The following TLK1 variants were observed in gnomAD, a reference collection of about 807,000 sequenced individuals.
The protein encoded by TLK1 is tousled like kinase 1, also known as serine/threonine-protein kinase tousled-like 1.
A neutral mutation model predicts 105.3 loss-of-function variants in TLK1; 24 were observed. The ratio of observed to expected loss-of-function variants is 0.23; its 90% CI spans 0.17 to 0.32. The LOEUF (loss-of-function observed/expected upper bound fraction) is 0.32, where lower values mean the gene tolerates loss of function less well. Ranked by LOEUF, TLK1 falls within the 10% of genes least tolerant of loss-of-function variation. The pLI is 1.00. For synonymous variants in TLK1, 321 were observed against 310.4 expected (o/e 1.03, Z -0.36); for missense variants, 558 against 910.5 (o/e 0.61, Z 4.98).
intron 1 of TLK1, among the ~76,000 whole-genome samples, chr2:171,180,187 G>A (rs1480229236): frequency 1.3e-5 from 2 of 151,602 alleles, no homozygotes; most frequent in Non-Finnish European, 2.9e-5. Flanking sequence ...CTCTGGCCTG[G>A]ATGACAGAGC....
chr2:171,098,545 C>T (rs924165896), intron 2 of TLK1, among the ~76,000 whole-genome samples: 7 of 152,120 alleles, frequency 4.6e-5, no homozygotes, highest in Non-Finnish European at 1.0e-4. Context: ...GTAAATTCCA[C>T]CAAATATGTA....
chr2:171,041,958 TG>T (rs766247030), intron 11 of TLK1, among the ~76,000 whole-genome samples: 1 of 152,210 alleles, frequency 6.6e-6, no homozygotes, highest in Non-Finnish European at 1.5e-5. Flanking sequence ...TTATTCAAAC[TG>T]CAGTATATAT....
intron 1 of TLK1, among the ~76,000 whole-genome samples, chr2:171,153,028 C>CA (rs201478184): frequency 6.6e-6 from 1 of 151,018 alleles, no homozygotes; most frequent in South Asian, 2.1e-4. Context: ...AAAACTCATG[C>CA]AAAAAAAAGT....
chr2:171,022,664 C>T (rs1000721408), intron 12 of TLK1, among the ~76,000 whole-genome samples: 3 of 152,122 alleles, frequency 2.0e-5, no homozygotes, highest in Non-Finnish European at 4.4e-5. Context: ...TAAAGATGAA[C>T]AACAGGTTTA....
rs142436556 is a variant in TLK1 at position 171,142,333 on chromosome 2, C to T, written c.139+17957G>A. On this transcript the variant is annotated intron_variant, in intron 1 of 20. Coordinates refer to ENST00000431350, the MANE Select transcript of TLK1 (RefSeq NM_012290.5). The stretch of plus-strand genomic sequence containing the variant: ...AAGTATATTAAATGTAAATGTACTA[C>T]ATGTTCCAATTAAAGAACAAACATG... 3.4e-3 allele frequency among the ~76,000 whole-genome samples: 517 copies of T among 152,256 alleles called. 6 individuals carry two copies. The highest frequency in any genetic ancestry group is 0.012 in the African/African-American group (489 of 41,536).
At chr2:171,227,617 T>G (rs1010970813) in intron 1 of TLK1, among the ~76,000 whole-genome samples, 1 of 138,236 alleles carries the variant, frequency 7.2e-6, no homozygotes, top group Non-Finnish European at 1.6e-5. Flanking sequence ...CAGTTGGATT[T>G]CTTTCACTTG....
intron 18 of TLK1, among the ~76,000 whole-genome samples, chr2:171,005,065 T>C (rs1344511424): frequency 6.6e-6 from 1 of 152,248 alleles, no homozygotes; most frequent in Non-Finnish European, 1.5e-5. Context: ...GTGAATACTG[T>C]TCTGGAAAAC....
At chr2:171,128,317 G>A (rs1317052861) in intron 1 of TLK1, among the ~76,000 whole-genome samples, 3 of 152,108 alleles carry the variant, frequency 2.0e-5, no homozygotes, top group Middle Eastern at 3.4e-3. Flanking sequence ...AAAAACATAC[G>A]TAGGTCGATA....
chr2:171,014,915 A>G lies in TLK1; in HGVS notation c.1270T>C (p.Leu424=), dbSNP rs1371958819. The G allele has an allele frequency of 6.2e-7, 1 of 1,614,000 alleles. No homozygotes were observed. The highest frequency in any genetic ancestry group is 1.1e-5 in the South Asian group (1 of 91,068). ...EAEIQAELER[L]ERVRNLHIRE... The stretch of plus-strand genomic sequence containing the variant: ...ATGTGAAGATTTCTGACTCTTTCCA[A>G]ACGTTCAAGTTCTGCCTGGATTTCT... The change falls in exon 13 of 21, where the codon TTG becomes CTG. Residue 424 remains leucine, a synonymous_variant. Transcript: ENST00000431350.
intron 2 of TLK1, among the ~76,000 whole-genome samples, chr2:171,110,708 G>A (rs1041356423): frequency 6.6e-6 from 1 of 152,132 alleles, no homozygotes; most frequent in Non-Finnish European, 1.5e-5. Flanking sequence ...GTTGCCAGAG[G>A]CAACCTAGAG....
chr2:171,045,378 T>C (rs1370692258), intron 11 of TLK1: 1 of 150,014 alleles, frequency 6.7e-6, no homozygotes, highest in East Asian at 2.0e-4. Flanking sequence ...TACAAGTGCC[T>C]GACACCATGC....
At chr2:171,006,091 T>C (rs1684639871) in intron 18 of TLK1, 56 bp downstream of exon 18, 7 of 1,437,352 alleles carry the variant, frequency 4.9e-6, no homozygotes, top group Non-Finnish European at 6.4e-6. Context: ...ACTAAATTAT[T>C]ATAAAAGCAC....
intron 1 of TLK1, among the ~76,000 whole-genome samples, chr2:171,188,139 G>A (rs1436814045): frequency 6.6e-6 from 1 of 152,228 alleles, no homozygotes; most frequent in Non-Finnish European, 1.5e-5. Flanking sequence ...TCTAGGTGAA[G>A]AATACCTGGT....
intron 3 of TLK1, among the ~76,000 whole-genome samples, chr2:171,069,187 A>C (rs1235707652): frequency 6.6e-6 from 1 of 152,202 alleles, no homozygotes; most frequent in Non-Finnish European, 1.5e-5. Context: ...ATAACAAGTT[A>C]TATACTATCT....
chr2:171,168,224 C>T (rs1259787058), intron 1 of TLK1, among the ~76,000 whole-genome samples: 1 of 152,018 alleles, frequency 6.6e-6, no homozygotes, highest in Non-Finnish European at 1.5e-5. Context: ...TTACTTAATG[C>T]ATTCCCAGAA....
At chr2:171,191,146 T>C (rs1265684747) in intron 1 of TLK1, among the ~76,000 whole-genome samples, 1 of 149,820 alleles carries the variant, frequency 6.7e-6, no homozygotes, top group Non-Finnish European at 1.5e-5. Context: ...GGTGACACAC[T>C]GAGACTCCAT....
chr2:171,202,378 G>T (rs1018163498), intron 1 of TLK1, among the ~76,000 whole-genome samples: 1 of 152,082 alleles, frequency 6.6e-6, no homozygotes, highest in African/African-American at 2.4e-5. Flanking sequence ...CTTGAACCTG[G>T]GAGGTGGAGG....
chr2:171,025,821 T>C (rs1302113451), intron 12 of TLK1, among the ~76,000 whole-genome samples: 2 of 152,228 alleles, frequency 1.3e-5, no homozygotes, highest in Non-Finnish European at 2.9e-5. Flanking sequence ...TTTAACTGTA[T>C]AACTCAAAAA....
At chr2:171,174,655 T>A (rs1692788057) in intron 1 of TLK1, among the ~76,000 whole-genome samples, 1 of 152,204 alleles carries the variant, frequency 6.6e-6, no homozygotes, top group Non-Finnish European at 1.5e-5. Flanking sequence ...GGGCAAATAC[T>A]TTTGTCATAT....
Sources: allele counts gnomAD v4.1 joint callset (sites outside exome capture counted in the v4.1 genomes callset), GRCh38; gene constraint gnomAD v4.1.1; transcripts MANE v1.5; gene names NCBI Gene and HGNC (gene_info 2026-07-23, HGNC 2026-07-21).